SIRT6: variants seen among roughly 807,000 people sequenced by gnomAD.
SIRT6 encodes the protein NAD-dependent protein deacylase sirtuin-6.
In SIRT6, 21 loss-of-function variants were observed where a neutral mutation model predicts 33.6. That is an observed-to-expected ratio of 0.62 (90% CI 0.44 to 0.90). The LOEUF (loss-of-function observed/expected upper bound fraction) is 0.90. Ranked by LOEUF, SIRT6 falls within the 40% of genes least tolerant of loss-of-function variation. The pLI is 0.00. For synonymous variants in SIRT6, 221 were observed against 223.9 expected, an observed-to-expected ratio of 0.99 and a Z score of 0.12; for missense variants, 504 against 510.6, an observed-to-expected ratio of 0.99 and a Z score of 0.12.
At chr19:4,181,153 C>T (rs1316265204) in intron 1 of SIRT6, among the ~76,000 whole-genome samples, 7 of 152,154 alleles carry the variant, frequency 4.6e-5, no homozygotes, top group African/African-American at 1.7e-4. Flanking sequence ...CCCTCCCTGC[C>T]CTCTTCTCCT....
intron 2 of SIRT6, chr19:4,179,625 T>C (rs1190612584): frequency 6.1e-6 from 2 of 327,314 alleles, no homozygotes; most frequent in East Asian, 6.2e-5. Flanking sequence ...CCAACACTGC[T>C]GCTGCAATGA....
intron 4 of SIRT6, among the ~76,000 whole-genome samples, chr19:4,176,419 T>C (rs1007973452): frequency 2.0e-5 from 3 of 152,150 alleles, no homozygotes; most frequent in Admixed American, 2.0e-4. Flanking sequence ...TGAAACCCCG[T>C]CTCTACTAAA....
intron 2 of SIRT6, chr19:4,180,550 T>G (rs1967565877): frequency 4.9e-6 from 2 of 404,076 alleles, no homozygotes; most frequent in Non-Finnish European, 8.7e-6. Context: ...CTGGCTAATT[T>G]TTGTATTTTT....
At position 4,174,428 on chromosome 19, in the gene SIRT6, CCCGGAACCGCA is replaced by C. The variant is rs1967153469; in HGVS notation, c.*178_*188del. 4.1e-6 allele frequency: 2 copies of C among 485,132 alleles called. No homozygotes were observed. The highest frequency in any genetic ancestry group is 1.0e-4 in the South Asian group (2 of 19,668). 30.1% of individuals were successfully genotyped at this position (485,132 alleles called of 1,614,324 possible). A position where few individuals can be genotyped will look rare whatever the true frequency, so the allele number is the denominator to read the frequency against. On this transcript the variant is annotated 3_prime_UTR_variant, in exon 8 of 8. Transcript: ENST00000337491. The surrounding 1 kb of genome is among the most constrained non-coding windows in gnomAD (Gnocchi z 4.2). The stretch of plus-strand genomic sequence containing the variant: ...TGTCACCTCTGGGGTGTGGCTTCTT[CCCGGAACCGCA>C]CCAGAGGCCCCTGGAGCCCAGGGAG...
Position 4,182,533 on chromosome 19 carries a change from C to G in SIRT6, c.7G>C (p.Val3Leu). The change falls in exon 1 of 8, where the codon GTG (valine) becomes CTG (leucine). Residue 3 changes from valine to leucine, a missense_variant. By Grantham distance (32) the Val-to-Leu change is conservative. Coordinates refer to ENST00000337491, the MANE Select transcript of SIRT6 (RefSeq NM_016539.4). ...GGCGACAGCCCCGCCGCGTAATTCA[C>G]CGACATCCTCGACTGCCCCACGGGA... MS[V>L]NYAAGLSPYA... is the part of the protein sequence containing the mutation. 3 of 1,610,982 alleles carry G rather than the reference C, an allele frequency of 1.9e-6. No homozygotes were observed. Among genetic ancestry groups the G allele is most frequent in the Non-Finnish European group, 1.7e-6 (2 of 1,178,916 alleles).
chr19:4,174,809 CG>C lies in SIRT6; in HGVS notation c.875del (p.Pro292ArgfsTer57). On this transcript the variant is annotated frameshift_variant, in exon 8 of 8. Transcript: ENST00000337491. LOFTEE classifies it low-confidence loss of function (END_TRUNC). The surrounding 1 kb of genome is among the most constrained non-coding windows in gnomAD (Gnocchi z 4.2). ...CCTTGGGCTCCAGCTTGGGGGTGGG[CG>C]GGCGGGGCAGGGGTGGCAGCGCCCT... is the stretch of plus-strand genomic sequence containing the variant. The part of the protein sequence containing the change: ...LERALPPLPR[P>X]PTPKLEPKEE... 2 of 1,355,152 alleles carry C rather than the reference CG, an allele frequency of 1.5e-6. No individual in the cohort carries two copies. The highest frequency in any genetic ancestry group is 1.9e-6 in the Non-Finnish European group (2 of 1,061,114). 83.9% of individuals were successfully genotyped at this position (1,355,152 alleles called of 1,614,324 possible). A position where few individuals can be genotyped will look rare whatever the true frequency, so the allele number is the denominator to read the frequency against.
intron 3 of SIRT6, among the ~76,000 whole-genome samples, chr19:4,178,261 G>T (rs1262508301): frequency 6.7e-6 from 1 of 149,742 alleles, no homozygotes; most frequent in Non-Finnish European, 1.5e-5. Context: ...TCTTGACCTC[G>T]TGATCCGCCT....
intron 4 of SIRT6, 25 bp downstream of exon 4, chr19:4,177,054 A>C (rs350844): frequency 2.2e-5 from 35 of 1,606,656 alleles, no homozygotes; most frequent in Admixed American, 5.1e-5. Flanking sequence ...CAGAGCCCCC[A>C]CCCCTGCACC....
At chr19:4,182,369 C>G (rs1967750604) in intron 1 of SIRT6, 105 bp downstream of exon 1, 4 of 1,205,844 alleles carry the variant, frequency 3.3e-6, no homozygotes, top group African/African-American at 3.1e-5. Context: ...CTCCCATTGT[C>G]TAGCCTCAGT....
chr19:4,177,042 G>A (rs754722112), intron 4 of SIRT6, 37 bp downstream of exon 4: 11 of 1,579,346 alleles, frequency 7.0e-6, no homozygotes, highest in Non-Finnish European at 9.5e-6. Context: ...AACCCCCTCT[G>A]GCAGAGCCCC....
chr19:4,174,785 C>T lies in SIRT6; in HGVS notation c.900G>A (p.Lys300=). ...PRPPTPKLEP[K]EESPTRINGS... ...CGTTGATCCGGGTGGGAGATTCCTC[C>T]TTGGGCTCCAGCTTGGGGGTGGGCG... is the stretch of plus-strand genomic sequence containing the variant. The change falls in exon 8 of 8, where the codon AAG becomes AAA. Residue 300 remains lysine (K), a synonymous_variant. Transcript: ENST00000337491. The surrounding 1 kb of genome is among the most constrained non-coding windows in gnomAD (Gnocchi z 4.2). 16 of 1,273,188 alleles carry T rather than the reference C, an allele frequency of 1.3e-5. No homozygotes were observed. Among genetic ancestry groups the T allele is most frequent in the Non-Finnish European group, 1.6e-5 (16 of 989,588 alleles). 78.9% of individuals were successfully genotyped at this position (1,273,188 alleles called of 1,614,324 possible). A position where few individuals can be genotyped will look rare whatever the true frequency, so the allele number is the denominator to read the frequency against.
At position 4,174,664 on chromosome 19, in the gene SIRT6, G is replaced by A; in HGVS notation, c.1021C>T (p.Pro341Ser). The part of the protein sequence containing the change: ...PKRERPTSPA[P>S]HRPPKRVKAK... ...TTCACCCTTTTGGGGGGTCTGTGGG[G>A]GGCAGGGCTGGTGGGCCGCTCCCGT... Residue 341 changes from proline (P) to serine (S), a missense_variant, in exon 8 of 8, where the codon CCC becomes TCC. Pro to Ser is a moderately conservative substitution (Grantham distance 74). Transcript: ENST00000337491. The surrounding 1 kb of genome is among the most constrained non-coding windows in gnomAD (Gnocchi z 4.2). The A allele has an allele frequency of 6.9e-7, 1 of 1,457,718 alleles. No homozygotes were observed. The highest frequency in any genetic ancestry group is 9.1e-7 in the Non-Finnish European group (1 of 1,102,912). 90.3% of individuals were successfully genotyped at this position (1,457,718 alleles called of 1,614,324 possible). A position where few individuals can be genotyped will look rare whatever the true frequency, so the allele number is the denominator to read the frequency against.
At position 4,174,797 on chromosome 19, in the gene SIRT6, C is replaced by T. The variant is rs1967182083; in HGVS notation, c.888G>A (p.Lys296=). ...TGGGAGATTCCTCCTTGGGCTCCAG[C>T]TTGGGGGTGGGCGGGCGGGGCAGGG... is the stretch of plus-strand genomic sequence containing the variant. ...LPPLPRPPTP[K]LEPKEESPTR... The change falls in exon 8 of 8, where the codon AAG becomes AAA. Residue 296 remains lysine, a synonymous_variant. Transcript: ENST00000337491. The surrounding 1 kb of genome is among the most constrained non-coding windows in gnomAD (Gnocchi z 4.2). 8.7e-6 allele frequency: 10 copies of T among 1,154,068 alleles called. No individual in the cohort carries two copies. Among genetic ancestry groups the T allele is most frequent in the Non-Finnish European group, 1.1e-5 (10 of 913,192 alleles). 71.5% of individuals were successfully genotyped at this position (1,154,068 alleles called of 1,614,324 possible).
chr19:4,175,920 G>A lies in SIRT6; in HGVS notation c.455C>T (p.Thr152Ile). 1 of 1,568,692 alleles carries A rather than the reference G, an allele frequency of 6.4e-7. No individual in the cohort carries two copies. Among genetic ancestry groups the A allele is most frequent in the Non-Finnish European group, 8.6e-7 (1 of 1,157,006 alleles). ...CTTCAGGCCCATGGTGCCCACGACT[G>A]TGTCTCGGACGTACTGCCTGTGTCA... ...AKCKTQYVRDTVVGTMGLKAT... is the reference protein window; with the variant it reads ...AKCKTQYVRDIVVGTMGLKAT... Residue 152 changes from threonine to isoleucine, a missense_variant, in exon 5 of 8, where the codon ACA becomes ATA. Physicochemically the swap from Thr to Ile is moderately conservative, Grantham distance 89. Coordinates refer to ENST00000337491, the MANE Select transcript of SIRT6 (RefSeq NM_016539.4).
intron 1 of SIRT6, among the ~76,000 whole-genome samples, chr19:4,181,469 T>C (rs1967660231): frequency 6.6e-6 from 1 of 152,130 alleles, no homozygotes; most frequent in African/African-American, 2.4e-5. Flanking sequence ...CTACAGTAAG[T>C]GCTCTATAAA....
At chr19:4,179,000 G>A in intron 3 of SIRT6, 104 bp downstream of exon 3, 1 of 1,419,578 alleles carries the variant, frequency 7.0e-7, no homozygotes, top group Non-Finnish European at 9.5e-7. Flanking sequence ...AGAACTCAGG[G>A]CTAGAATCTT....
rs373335637 is a variant in SIRT6 at position 4,175,088 on chromosome 19, C to T, written c.678G>A (p.Pro226=). The change falls in exon 7 of 8, where the codon CCG becomes CCA. Residue 226 remains proline (P), a synonymous_variant. Coordinates refer to ENST00000337491, the MANE Select transcript of SIRT6 (RefSeq NM_016539.4). ...GGCCTCCCCGGCGCTTGGTAGCCAG[C>T]GGCAGGTTCCCGCTGGGCCGGATCT... ...SLQIRPSGNL[P]LATKRRGGRL... 22 of 1,583,694 alleles carry T rather than the reference C, an allele frequency of 1.4e-5. No individual in the cohort carries two copies. The highest frequency in any genetic ancestry group is 1.7e-4 in the Middle Eastern group (1 of 5,990).
chr19:4,174,893 C>T lies in SIRT6; in HGVS notation c.792G>A (p.Arg264=). 1 of 1,603,298 alleles carries T rather than the reference C, an allele frequency of 6.2e-7. No individual in the cohort carries two copies. The highest frequency in any genetic ancestry group is 1.3e-5 in the African/African-American group (1 of 74,998). Residue 264 remains arginine, a synonymous_variant, in exon 8 of 8, where the codon CGG becomes CGA. Transcript: ENST00000337491. The surrounding 1 kb of genome is among the most constrained non-coding windows in gnomAD (Gnocchi z 4.2). ...IHGYVDEVMT[R]LMKHLGLEIP... ...TCTCCAGCCCCAGGTGCTTCATGAG[C>T]CGGGTCATGACCTCGTCAACGTAGC...
At chr19:4,176,313 G>A (rs1355400076) in intron 4 of SIRT6, among the ~76,000 whole-genome samples, 6 of 152,200 alleles carry the variant, frequency 3.9e-5, no homozygotes, top group African/African-American at 1.2e-4. Context: ...ATACTGGGCC[G>A]GGCGTGGTGG....
Sources: allele counts gnomAD v4.1 joint callset (sites outside exome capture counted in the v4.1 genomes callset), GRCh38; gene constraint gnomAD v4.1.1; non-coding constraint Gnocchi (gnomAD v3.1); transcripts MANE v1.5; gene names NCBI Gene and HGNC (gene_info 2026-07-23, HGNC 2026-07-21).